STK24: variants seen among roughly 807,000 people sequenced by gnomAD.
The protein encoded by STK24 is serine/threonine kinase 24.
STK24 carries 21 observed loss-of-function variants against 55.6 expected under a neutral mutation model. That is an observed-to-expected ratio of 0.38 (90% CI 0.27 to 0.54). The LOEUF is 0.54. STK24 is among the 20% of genes least tolerant of loss of function. The probability of loss-of-function intolerance (pLI) is 0.79; values close to 1 mark genes in which losing one functional copy is unlikely to be tolerated. For synonymous variants in STK24, 200 were observed against 215.2 expected, an observed-to-expected ratio of 0.93 and a Z score of 0.62; for missense variants, 383 against 538.4, an observed-to-expected ratio of 0.71 and a Z score of 2.86.
intron 8 of STK24, among the ~76,000 whole-genome samples, chr13:98,461,434 C>T (rs1290176142): frequency 1.3e-5 from 2 of 152,210 alleles, no homozygotes; most frequent in African/African-American, 4.8e-5. Flanking sequence ...ATGTAAGTAA[C>T]CGCAACATGC....
intron 3 of STK24, among the ~76,000 whole-genome samples, chr13:98,481,958 T>C (rs1265650824): frequency 1.3e-5 from 2 of 151,874 alleles, no homozygotes; most frequent in African/African-American, 4.8e-5. Context: ...TCCCAGTTAC[T>C]TGGAAGGCTG....
At chr13:98,532,583 G>A (rs1896610198) in intron 1 of STK24, among the ~76,000 whole-genome samples, 1 of 152,110 alleles carries the variant, frequency 6.6e-6, no homozygotes, top group South Asian at 2.1e-4. Flanking sequence ...CGTGTACGGT[G>A]AACTAGTTGG....
intron 1 of STK24, among the ~76,000 whole-genome samples, chr13:98,565,988 G>A (rs1476126260): frequency 6.6e-6 from 1 of 152,182 alleles, no homozygotes; most frequent in Non-Finnish European, 1.5e-5. Context: ...CCAGCACCAG[G>A]CGGTAGGCAT....
At chr13:98,497,347 C>T (rs1426093777) in intron 2 of STK24, among the ~76,000 whole-genome samples, 1 of 152,188 alleles carries the variant, frequency 6.6e-6, no homozygotes, top group Non-Finnish European at 1.5e-5. Flanking sequence ...TGGTCTCTCA[C>T]CACAAACTCC....
chr13:98,510,934 C>T (rs1895858476), intron 2 of STK24, among the ~76,000 whole-genome samples: 1 of 152,158 alleles, frequency 6.6e-6, no homozygotes. Context: ...GAAACAAAAA[C>T]CCACAGCTAA....
rs1034933971 is a variant in STK24, at chr13:98,447,917, T to C, written c.*5256A>G. ...GGATGGGACACGTCCCGCCATTCTC[T>C]GCCATGTCCATGAAAATAGGAGGTA... On this transcript the variant is annotated 3_prime_UTR_variant, in exon 11 of 11. Coordinates refer to ENST00000539966, the MANE Select transcript of STK24 (RefSeq NM_001032296.4). 2.6e-6 allele frequency: 1 copy of C among 387,506 alleles called. No individual in the cohort carries two copies. The highest frequency in any genetic ancestry group is 4.7e-6 in the Non-Finnish European group (1 of 212,398). The allele number at this position is 387,506 out of a possible 1,614,324, so 24.0% of individuals were successfully genotyped here. A position where few individuals can be genotyped will look rare whatever the true frequency, so the allele number is the denominator to read the frequency against.
chr13:98,446,722 T>TGAGTC lies in STK24; in HGVS notation c.*6446_*6450dup. Reference sequence around the variant, plus strand: ...TCGGCTACTCGCTCACCATCCCCTCTGAGTCCGAGAACATCCAGAAAGACT... The same window carrying TGAGTC: ...TCGGCTACTCGCTCACCATCCCCTCTGAGTCGAGTCCGAGAACATCCAGAAAGACT... On this transcript the variant is annotated 3_prime_UTR_variant, in exon 11 of 11. Transcript: ENST00000539966. The TGAGTC allele has an allele frequency of 6.2e-7, 1 of 1,614,160 alleles. No individual in the cohort carries two copies. The highest frequency in any genetic ancestry group is 8.5e-7 in the Non-Finnish European group (1 of 1,180,022).
At chr13:98,545,246 T>C (rs1896999161) in intron 1 of STK24, among the ~76,000 whole-genome samples, 1 of 152,250 alleles carries the variant, frequency 6.6e-6, no homozygotes, top group South Asian at 2.1e-4. Flanking sequence ...TCTCTCTGTT[T>C]TTCTGCACTG....
At chr13:98,532,079 A>G (rs1594646017) in intron 1 of STK24, among the ~76,000 whole-genome samples, 1 of 152,286 alleles carries the variant, frequency 6.6e-6, no homozygotes, top group South Asian at 2.1e-4. Flanking sequence ...CAGCTTAGTT[A>G]AGCTAACCAG....
intron 1 of STK24, among the ~76,000 whole-genome samples, chr13:98,521,537 A>G (rs1336955296): frequency 6.6e-6 from 1 of 152,058 alleles, no homozygotes; most frequent in Non-Finnish European, 1.5e-5. Flanking sequence ...TCAATACCCC[A>G]GGCTGAGTAT....
intron 2 of STK24, among the ~76,000 whole-genome samples, chr13:98,485,675 A>C (rs1894777555): frequency 6.6e-6 from 1 of 152,274 alleles, no homozygotes; most frequent in African/African-American, 2.4e-5. Flanking sequence ...AAGTTAAGTC[A>C]GCCTGTGCCC....
intron 2 of STK24, among the ~76,000 whole-genome samples, chr13:98,508,617 A>G (rs548583826): frequency 1.3e-5 from 2 of 152,226 alleles, no homozygotes; most frequent in African/African-American, 4.8e-5. Flanking sequence ...GGGTGGGAGG[A>G]ACAGGGGGTA....
In STK24 at chr13:98,448,506, A is replaced by G; in HGVS notation, c.*4667T>C. 3.4e-6 allele frequency: 2 copies of G among 583,870 alleles called. No homozygotes were observed. The highest frequency in any genetic ancestry group is 6.1e-6 in the Non-Finnish European group (2 of 326,370). 36.2% of individuals were successfully genotyped at this position (583,870 alleles called of 1,614,324 possible). ...CAGCGTCTGAATGAACAGCGCTCCC[A>G]CCTCCAGTCCTGGCATCCGCTGGGG... On this transcript the variant is annotated 3_prime_UTR_variant, in exon 11 of 11. Transcript: ENST00000539966.
chr13:98,484,062 G>A (rs544261963), intron 2 of STK24, among the ~76,000 whole-genome samples: 189 of 152,310 alleles, frequency 1.2e-3, no homozygotes, highest in African/African-American at 4.4e-3. Flanking sequence ...CAGGCATGTC[G>A]CTCATTCAAT....
intron 2 of STK24, among the ~76,000 whole-genome samples, chr13:98,511,057 G>A (rs1400748594): frequency 6.6e-6 from 1 of 152,142 alleles, no homozygotes; most frequent in Non-Finnish European, 1.5e-5. Context: ...GGGGTACAAT[G>A]GCACAATCAT....
intron 1 of STK24, among the ~76,000 whole-genome samples, chr13:98,541,294 C>T (rs1227803187): frequency 6.6e-6 from 1 of 152,154 alleles, no homozygotes; most frequent in South Asian, 2.1e-4. Flanking sequence ...AGTTCATCTG[C>T]ATCTCATTAT....
At chr13:98,567,554 G>A (rs563813634) in intron 1 of STK24, among the ~76,000 whole-genome samples, 226 of 152,340 alleles carry the variant, frequency 1.5e-3, no homozygotes, top group Middle Eastern at 0.01. Context: ...CTCAGTTCAA[G>A]TTGGGGAGGT....
chr13:98,553,655 G>A (rs899163950), intron 1 of STK24: 1 of 152,476 alleles, frequency 6.6e-6, no homozygotes, highest in African/African-American at 2.4e-5. Context: ...CAGATGCCCA[G>A]TAGCCTAGGA....
chr13:98,475,015 G>T, intron 4 of STK24, 37 bp from the exon 5 acceptor site: 1 of 1,575,794 alleles, frequency 6.3e-7, no homozygotes, highest in Non-Finnish European at 8.6e-7. Context: ...GGGCGGTGCG[G>T]ACTTACAACT....
Sources: gnomAD v4.1 joint callset for allele counts (sites outside exome capture counted in the v4.1 genomes callset) on GRCh38, gnomAD v4.1.1 for gene constraint, MANE v1.5 for transcripts, NCBI Gene and HGNC (gene_info 2026-07-23, HGNC 2026-07-21) for gene names.